The following RHOQ variants were observed in gnomAD, a reference collection of about 807,000 sequenced individuals.
RHOQ encodes the protein ras homolog family member Q.
RHOQ carries 7 observed loss-of-function variants against 25.8 expected under a neutral mutation model. The observed-to-expected ratio is 0.27, with a 90% CI of 0.15 to 0.51. RHOQ has a LOEUF of 0.51. RHOQ is among the 20% of genes least tolerant of loss of function. The pLI is 0.97. For missense variants in RHOQ, 165 were observed against 260.6 expected (o/e 0.63, Z 2.53); for synonymous variants, 97 against 98.6 (o/e 0.98, Z 0.10).
intron 2 of RHOQ, among the ~76,000 whole-genome samples, chr2:46,544,338 G>A (rs928546595): frequency 6.6e-6 from 1 of 152,156 alleles, no homozygotes; most frequent in Non-Finnish European, 1.5e-5. Flanking sequence ...TGTTACCAAA[G>A]GACCACAGGG....
rs558190568 is a variant in RHOQ, at chr2:46,555,909, G to C, written c.201+12097G>C. On this transcript the variant is annotated intron_variant, in intron 2 of 4. Transcript: ENST00000238738. This position sits in a 1 kb window ranked among gnomAD's most constrained non-coding sequence, Gnocchi z 4.3. Reference sequence around the variant, plus strand: ...CATCTAGGCAAGCTGGTGTTAAGACGCAAGTAATTACTCAGAGAAATTGCT... The same window carrying C: ...CATCTAGGCAAGCTGGTGTTAAGACCCAAGTAATTACTCAGAGAAATTGCT... Among the ~76,000 whole-genome samples the C allele has an allele frequency of 6.6e-6, 1 of 152,192 alleles. No individual in the cohort carries two copies. Among genetic ancestry groups the C allele is most frequent in the Non-Finnish European group, 1.5e-5 (1 of 68,036 alleles).
chr2:46,542,965 C>G lies in RHOQ; in HGVS notation c.-82C>G. 1 of 935,182 alleles carries G rather than the reference C, an allele frequency of 1.1e-6. No individual in the cohort carries two copies. The highest frequency in any genetic ancestry group is 1.4e-6 in the Non-Finnish European group (1 of 739,440). The allele number at this position is 935,182 out of a possible 1,614,324, so 57.9% of individuals were successfully genotyped here. A position where few individuals can be genotyped will look rare whatever the true frequency, so the allele number is the denominator to read the frequency against. ...GCGGAGCGGCGGCGACGGCGGCGGA[C>G]CCCCCAGGCGGGCTGGGGCTGAGCC... On this transcript the variant is annotated 5_prime_UTR_variant, in exon 1 of 5. Transcript: ENST00000238738.
Position 46,581,049 on chromosome 2 carries a change from G to C in RHOQ, c.584G>C (p.Gly195Ala), listed in dbSNP as rs1669347774. 1 of 1,574,830 alleles carries C rather than the reference G, an allele frequency of 6.3e-7. No homozygotes were observed. Among genetic ancestry groups the C allele is most frequent in the South Asian group, 1.2e-5 (1 of 84,370 alleles). ...PKKHTVKKRI[G>A]SRCINCCLIT Reference sequence around the variant, plus strand: ...AAACACACTGTAAAAAAAAGAATAGGATCAAGATGTATAAACTGTTGTTTA... The same window carrying C: ...AAACACACTGTAAAAAAAAGAATAGCATCAAGATGTATAAACTGTTGTTTA... Residue 195 changes from glycine to alanine, a missense_variant, in exon 5 of 5, where the codon GGA (glycine) becomes GCA (alanine). Physicochemically the swap from Gly to Ala is moderately conservative, Grantham distance 60. Transcript: ENST00000238738.
Position 46,581,472 on chromosome 2 carries a change from C to T in RHOQ, c.*389C>T, listed in dbSNP as rs1434768356. 3.7e-6 allele frequency: 6 copies of T among 1,609,832 alleles called. No homozygotes were observed. The highest frequency in any genetic ancestry group is 4.5e-5 in the East Asian group (2 of 44,830). ...CTGCACAAAGAAATATCTCCCTTTG[C>T]TCCAGTTAATTGTTCTTGTATGTAA... On this transcript the variant is annotated 3_prime_UTR_variant, in exon 5 of 5. Transcript: ENST00000238738.
At position 46,555,050 on chromosome 2, in the gene RHOQ, G is replaced by A. The variant is rs62134741; in HGVS notation, c.201+11238G>A. Among the ~76,000 whole-genome samples the A allele has an allele frequency of 0.22, 33,312 of 152,162 alleles. 4,375 individuals carry two copies. Among genetic ancestry groups the A allele is most frequent in the Admixed American group, 0.29 (4,502 of 15,282 alleles). On this transcript the variant is annotated intron_variant, in intron 2 of 4. Coordinates refer to ENST00000238738, the MANE Select transcript of RHOQ (RefSeq NM_012249.4). This position sits in a 1 kb window ranked among gnomAD's most constrained non-coding sequence, Gnocchi z 4.3. ...CCTTGGCCCTGGAGGAATGGGGAAG[G>A]GACTGGACACGAGGAGGGACAGAGC...
intron 2 of RHOQ, among the ~76,000 whole-genome samples, chr2:46,549,648 C>T (rs1668179034): frequency 3.3e-5 from 5 of 152,174 alleles, no homozygotes; most frequent in Non-Finnish European, 1.5e-5. Flanking sequence ...TGGCTTTGCC[C>T]TAATTTGGCA....
intron 4 of RHOQ, 84 bp from the exon 5 acceptor site, chr2:46,580,844 A>T (rs1669337399): frequency 1.0e-6 from 1 of 990,058 alleles, no homozygotes; most frequent in African/African-American, 1.7e-5. Flanking sequence ...GTATTTTATA[A>T]TTTTCTTTAT....
rs1316686515 is a variant in RHOQ, at chr2:46,556,773, G to C, written c.201+12961G>C. ...CATATAAATCATGAAATGTGAGTGA[G>C]GAGTGTTAGAAAGGTGCCCAACTAC... On this transcript the variant is annotated intron_variant, in intron 2 of 4. Transcript: ENST00000238738. This position sits in a 1 kb window ranked among gnomAD's most constrained non-coding sequence, Gnocchi z 4.9. Among the ~76,000 whole-genome samples the C allele has an allele frequency of 6.6e-6, 1 of 152,142 alleles. No individual in the cohort carries two copies. Among genetic ancestry groups the C allele is most frequent in the Non-Finnish European group, 1.5e-5 (1 of 68,020 alleles).
At chr2:46,544,379 C>T (rs1667978616) in intron 2 of RHOQ, among the ~76,000 whole-genome samples, 1 of 152,212 alleles carries the variant, frequency 6.6e-6, no homozygotes, top group Non-Finnish European at 1.5e-5. Flanking sequence ...ACCATGTAGC[C>T]ACTCCCTGGG....
chr2:46,549,555 GAAAC>G (rs1251203078), intron 2 of RHOQ, among the ~76,000 whole-genome samples: 2 of 152,224 alleles, frequency 1.3e-5, no homozygotes, highest in Non-Finnish European at 2.9e-5. Context: ...CAGTTACAAA[GAAAC>G]AAGATGGAAG....
chr2:46,557,171 T>A lies in RHOQ; in HGVS notation c.201+13359T>A, dbSNP rs368871879. ...AAACTGAAACAACCAGTTTGGAGGTTAATTTGCCAAAGACTCTTTGGTTTG... is the reference window on the plus strand; with the variant it reads ...AAACTGAAACAACCAGTTTGGAGGTAAATTTGCCAAAGACTCTTTGGTTTG... On this transcript the variant is annotated intron_variant, in intron 2 of 4. Transcript: ENST00000238738. Among the ~76,000 whole-genome samples, 10 of 152,240 alleles carry A rather than the reference T, an allele frequency of 6.6e-5. No homozygotes were observed. The East Asian group carries it at 1.7e-3, about 26-fold the overall frequency.
At chr2:46,575,653 ATTG>A (rs1669091528) in intron 2 of RHOQ, among the ~76,000 whole-genome samples, 1 of 152,188 alleles carries the variant, frequency 6.6e-6, no homozygotes, top group Non-Finnish European at 1.5e-5. Flanking sequence ...CTTGTGTCAT[ATTG>A]TTGTTACAAG....
In RHOQ at chr2:46,552,400, C is replaced by T. The variant is rs114962865; in HGVS notation, c.201+8588C>T. ...AAATGCTGTTTGGGGGGCTGCCAGGCGGGCCAGCTTTAGCCTGCAAATGAC... is the reference window on the plus strand; with the variant it reads ...AAATGCTGTTTGGGGGGCTGCCAGGTGGGCCAGCTTTAGCCTGCAAATGAC... On this transcript the variant is annotated intron_variant, in intron 2 of 4. Transcript: ENST00000238738. The surrounding 1 kb of genome is among the most constrained non-coding windows in gnomAD (Gnocchi z 5.0). 1.5e-4 allele frequency among the ~76,000 whole-genome samples: 23 copies of T among 152,340 alleles called. No homozygotes were observed. Among genetic ancestry groups the T allele is most frequent in the South Asian group, 6.2e-4 (3 of 4,824 alleles).
intron 2 of RHOQ, among the ~76,000 whole-genome samples, chr2:46,572,105 G>GTATT (rs1558691036): frequency 1.1e-5 from 1 of 91,034 alleles, no homozygotes; most frequent in African/African-American, 6.8e-5. Flanking sequence ...TGGTAAGTGT[G>GTATT]TGTTTTTTTT....
intron 2 of RHOQ, among the ~76,000 whole-genome samples, chr2:46,547,300 A>G (rs1008496874): frequency 6.6e-6 from 1 of 152,240 alleles, no homozygotes; most frequent in Non-Finnish European, 1.5e-5. Flanking sequence ...CCTTAACCCC[A>G]GTCAAGTTCA....
intron 2 of RHOQ, among the ~76,000 whole-genome samples, chr2:46,564,623 G>C (rs1668671696): frequency 6.6e-6 from 1 of 152,198 alleles, no homozygotes; most frequent in South Asian, 2.1e-4. Flanking sequence ...GTGCACTCTG[G>C]CTGCCTCATC....
At chr2:46,572,017 T>C (rs781205464) in intron 2 of RHOQ, among the ~76,000 whole-genome samples, 1 of 151,990 alleles carries the variant, frequency 6.6e-6, no homozygotes, top group African/African-American at 2.4e-5. Context: ...TGGCTACATT[T>C]CTCTGTGGCA....
At chr2:46,580,642 C>T (rs1466825474) in intron 4 of RHOQ, 1 of 237,486 alleles carries the variant, frequency 4.2e-6, no homozygotes, top group African/African-American at 2.2e-5. Context: ...ACAGCAGGGA[C>T]TCTGCTCTTT....
At chr2:46,579,541 C>G (rs1669267846) in intron 4 of RHOQ, among the ~76,000 whole-genome samples, 1 of 152,184 alleles carries the variant, frequency 6.6e-6, no homozygotes, top group Non-Finnish European at 1.5e-5. Flanking sequence ...CAAGCCTGTC[C>G]TCCCAGTTAC....
Sources: gnomAD v4.1 joint callset for allele counts (sites outside exome capture counted in the v4.1 genomes callset) on GRCh38, gnomAD v4.1.1 for gene constraint, Gnocchi (gnomAD v3.1) non-coding constraint, MANE v1.5 for transcripts, NCBI Gene and HGNC (gene_info 2026-07-23, HGNC 2026-07-21) for gene names.